The following CWC27 variants were observed in gnomAD, a reference collection of about 807,000 sequenced individuals.
CWC27 encodes the protein spliceosome-associated protein CWC27 homolog.
A neutral mutation model predicts 63.6 loss-of-function variants in CWC27; 47 were observed. The ratio of observed to expected loss-of-function variants is 0.74; its 90% CI spans 0.58 to 0.94. CWC27 has a LOEUF of 0.94. Ranked by LOEUF, CWC27 falls within the 40% of genes least tolerant of loss-of-function variation. CWC27 has a pLI of 0.00. For synonymous variants in CWC27, 175 were observed against 179.8 expected, an observed-to-expected ratio of 0.97 and a Z score of 0.22; for missense variants, 495 against 554.3, an observed-to-expected ratio of 0.89 and a Z score of 1.07.
chr5:64,879,174 G>T (rs991646837), intron 10 of CWC27, among the ~76,000 whole-genome samples: 4 of 151,970 alleles, frequency 2.6e-5, no homozygotes, highest in Non-Finnish European at 4.4e-5. Flanking sequence ...CAGCATTGTG[G>T]TAGCTTTATC....
At chr5:64,787,205 A>G (rs1743918364) in intron 6 of CWC27, among the ~76,000 whole-genome samples, 1 of 146,466 alleles carries the variant, frequency 6.8e-6, no homozygotes, top group South Asian at 2.3e-4. Context: ...GGGGACACAG[A>G]GCCAAACCAT....
chr5:64,792,312 T>G (rs1744113264), intron 7 of CWC27, among the ~76,000 whole-genome samples: 1 of 152,146 alleles, frequency 6.6e-6, no homozygotes, highest in Admixed American at 6.6e-5. Flanking sequence ...TTTAATGAAT[T>G]CCAGAGGAAT....
intron 1 of CWC27, among the ~76,000 whole-genome samples, chr5:64,770,558 T>C (rs1306644213): frequency 6.6e-6 from 1 of 152,224 alleles, no homozygotes; most frequent in African/African-American, 2.4e-5. Flanking sequence ...CAGCAGTCTC[T>C]GGCCCCCTTA....
intron 11 of CWC27, among the ~76,000 whole-genome samples, chr5:64,919,162 G>A (rs144509026): frequency 1.2e-3 from 183 of 152,196 alleles, no homozygotes; most frequent in African/African-American, 4.2e-3. Flanking sequence ...CTATATGTAT[G>A]TGTACACACG....
At chr5:64,861,929 C>T (rs1746422123) in intron 10 of CWC27, among the ~76,000 whole-genome samples, 1 of 152,164 alleles carries the variant, frequency 6.6e-6, no homozygotes, top group African/African-American at 2.4e-5. Flanking sequence ...CAATGTCATT[C>T]TTCTAATGTT....
At position 64,776,661 on chromosome 5, in the gene CWC27, A is replaced by G. The variant is rs140311959; in HGVS notation, c.139+1874A>G. ...GATTTAAACAAGGATACTCCTAAAT[A>G]AGTTAAGTCAAGGTTTCAAAAATAT... On this transcript the variant is annotated intron_variant, in intron 2 of 13. Coordinates refer to ENST00000381070, the MANE Select transcript of CWC27 (RefSeq NM_005869.4). Among the ~76,000 whole-genome samples, 281 of 152,268 alleles carry G rather than the reference A, an allele frequency of 1.8e-3. 1 individual carries two copies. Among genetic ancestry groups the G allele is most frequent in the African/African-American group, 5.1e-3 (211 of 41,578 alleles).
intron 10 of CWC27, among the ~76,000 whole-genome samples, chr5:64,872,850 A>G (rs572825439): frequency 2.0e-5 from 3 of 152,004 alleles, no homozygotes; most frequent in Non-Finnish European, 4.4e-5. Context: ...TTCACAACAA[A>G]ATTTCTCCTC....
At chr5:64,982,050 G>A (rs1254115119) in intron 13 of CWC27, among the ~76,000 whole-genome samples, 2 of 152,170 alleles carry the variant, frequency 1.3e-5, no homozygotes, top group African/African-American at 2.4e-5. Context: ...GCTTAAAGAA[G>A]TTTTAAAGCT....
At chr5:64,874,977 A>G (rs3943784) in intron 10 of CWC27, among the ~76,000 whole-genome samples, 1,571 of 152,200 alleles carry the variant, frequency 0.01, 8 homozygotes, top group Middle Eastern at 0.017. Flanking sequence ...CTGCCACAGC[A>G]AATGTACTCC....
At chr5:64,949,899 AT>A (rs1034973420) in intron 11 of CWC27, among the ~76,000 whole-genome samples, 3 of 151,984 alleles carry the variant, frequency 2.0e-5, no homozygotes, top group Non-Finnish European at 4.4e-5. Context: ...TCACCTAAAA[AT>A]TCCAAAGCCC....
intron 10 of CWC27, among the ~76,000 whole-genome samples, chr5:64,819,573 G>A (rs1421561793): frequency 6.6e-6 from 1 of 151,886 alleles, no homozygotes; most frequent in African/African-American, 2.4e-5. Flanking sequence ...GAGTTCCCCT[G>A]TACACGCTGT....
chr5:64,805,062 T>A (rs945295005), intron 10 of CWC27, among the ~76,000 whole-genome samples: 2 of 152,080 alleles, frequency 1.3e-5, no homozygotes, highest in African/African-American at 4.8e-5. Flanking sequence ...TAGTATTTGT[T>A]TTCTTCAAAT....
chr5:64,769,077 C>A lies in CWC27; in HGVS notation c.-70C>A. The A allele has an allele frequency of 7.7e-7, 1 of 1,292,654 alleles. No homozygotes were observed. The highest frequency in any genetic ancestry group is 1.2e-5 in the South Asian group (1 of 84,088). 80.1% of individuals were successfully genotyped at this position (1,292,654 alleles called of 1,614,324 possible). A position where few individuals can be genotyped will look rare whatever the true frequency, so the allele number is the denominator to read the frequency against. Reference sequence around the variant, plus strand: ...ACTTAAGGAAGAGTGTACTCGTAGGCGGACAGCTTTAGTGGCCGGCCGGCC... The same window carrying A: ...ACTTAAGGAAGAGTGTACTCGTAGGAGGACAGCTTTAGTGGCCGGCCGGCC... On this transcript the variant is annotated 5_prime_UTR_variant, in exon 1 of 14. Transcript: ENST00000381070.
intron 13 of CWC27, among the ~76,000 whole-genome samples, chr5:64,999,084 TTGATCTC>T (rs1162676119): frequency 2.6e-5 from 4 of 152,108 alleles, no homozygotes; most frequent in African/African-American, 4.8e-5. Context: ...TTTACATAGT[TTGATCTC>T]TGAGCTCATT....
Position 64,785,500 on chromosome 5 carries a change from A to G in CWC27, c.416A>G (p.Tyr139Cys), listed in dbSNP as rs1471310661. The G allele has an allele frequency of 6.5e-7, 1 of 1,532,690 alleles. No homozygotes were observed. Among genetic ancestry groups the G allele is most frequent in the Non-Finnish European group, 8.7e-7 (1 of 1,145,942 alleles). 94.9% of individuals were successfully genotyped at this position (1,532,690 alleles called of 1,614,324 possible). ...TGATAGGTTACAGGGGATACAGTAT[A>G]TAACATGTTGCGACTGTCAGAAGTA... ...IFGKVTGDTV[Y>C]NMLRLSEVDI... Residue 139 changes from tyrosine to cysteine, a missense_variant, in exon 5 of 14, where the codon TAT (tyrosine) becomes TGT (cysteine). Around this residue, in one of 3 missense-constraint regions of CWC27, gnomAD observed 463 missense variants for 498.1 expected, o/e 0.93. Transcript: ENST00000381070.
rs192829744 is a variant in CWC27 at position 64,916,511 on chromosome 5, C to T, written c.1042+30965C>T. Among the ~76,000 whole-genome samples the T allele has an allele frequency of 4.6e-5, 7 of 152,242 alleles. No homozygotes were observed. The East Asian group carries it at 1.4e-3, about 29-fold the overall frequency. ...TGGAACTAAGCACTAAATAGTTACACTTTAGGAGGGGCCGAAAGACCAGGG... is the reference window on the plus strand; with the variant it reads ...TGGAACTAAGCACTAAATAGTTACATTTTAGGAGGGGCCGAAAGACCAGGG... On this transcript the variant is annotated intron_variant, in intron 11 of 13. Transcript: ENST00000381070.
chr5:65,006,360 C>G (rs1242120897), intron 13 of CWC27, among the ~76,000 whole-genome samples: 1 of 152,078 alleles, frequency 6.6e-6, no homozygotes, highest in Non-Finnish European at 1.5e-5. Context: ...TCTGAGAGGT[C>G]AGTATTGTGA....
chr5:64,897,614 A>T (rs1008904982), intron 11 of CWC27, among the ~76,000 whole-genome samples: 2 of 152,158 alleles, frequency 1.3e-5, no homozygotes, highest in African/African-American at 4.8e-5. Context: ...AAGGGGAGGG[A>T]TAGCATTAGG....
chr5:64,819,503 C>G (rs559409154), intron 10 of CWC27, among the ~76,000 whole-genome samples: 59 of 152,018 alleles, frequency 3.9e-4, no homozygotes, highest in African/African-American at 1.4e-3. Flanking sequence ...CTGGGTCTTT[C>G]CTCGTGCTGT....
Sources: allele counts gnomAD v4.1 joint callset (sites outside exome capture counted in the v4.1 genomes callset), GRCh38; gene constraint gnomAD v4.1.1; regional missense constraint gnomAD v4.1.1; transcripts MANE v1.5; gene names NCBI Gene and HGNC (gene_info 2026-07-23, HGNC 2026-07-21).